CCDC81: variants seen among roughly 807,000 people sequenced by gnomAD.
CCDC81 encodes the protein coiled-coil domain-containing protein 81.
In CCDC81, 79 loss-of-function variants were observed where a neutral mutation model predicts 83.7. The ratio of observed to expected loss-of-function variants is 0.94; its 90% CI spans 0.79 to 1.14. The LOEUF is 1.14. Ranked by LOEUF, CCDC81 falls within the 50% of genes most tolerant of loss-of-function variation. The pLI is 0.00. For missense variants in CCDC81, 791 were observed against 778.1 expected (o/e 1.02, Z -0.20); for synonymous variants, 252 against 278.1 (o/e 0.91, Z 0.93).
rs771133984 is a variant in CCDC81, at chr11:86,392,501, C to T, written c.299-40C>T. The T allele has an allele frequency of 1.1e-5, 17 of 1,541,204 alleles. No homozygotes were observed. In the African/African-American group the frequency reaches 2.3e-4, roughly 21 times the overall value. ...TATGATATGTCCTTATGGTAATCAC[C>T]ACTTTCTTTCTCCCACCCCAACTGT... On this transcript the variant is annotated intron_variant, in intron 3 of 14. Transcript: ENST00000445632.
intron 9 of CCDC81, among the ~76,000 whole-genome samples, chr11:86,408,523 A>G (rs11234640): frequency 0.46 from 69,100 of 151,788 alleles, 15,950 homozygotes; most frequent in Admixed American, 0.5. Context: ...TTGTAGAGAC[A>G]GGGTTTCACC....
chr11:86,375,274 G>T, intron 1 of CCDC81, 32 bp downstream of exon 1: 1 of 1,577,814 alleles, frequency 6.3e-7, no homozygotes, highest in South Asian at 1.1e-5. Flanking sequence ...GGGTGGCCCT[G>T]GGGATTGAAT....
At chr11:86,412,249 C>A in intron 10 of CCDC81, 138 bp from the exon 11 acceptor site, 1 of 653,518 alleles carries the variant, frequency 1.5e-6, no homozygotes, top group Non-Finnish European at 2.6e-6. Flanking sequence ...GTTACCTCAA[C>A]ACCAGCTGGT....
At position 86,410,196 on chromosome 11, in the gene CCDC81, G is replaced by A. The variant is rs1401917928; in HGVS notation, c.1218+831G>A. On this transcript the variant is annotated intron_variant, in intron 10 of 14. Transcript: ENST00000445632. ...TCATCATGTGCCTACCTTTATTTCTGCCTGAATCTTCCTCTTTATATATCA... is the reference window on the plus strand; with the variant it reads ...TCATCATGTGCCTACCTTTATTTCTACCTGAATCTTCCTCTTTATATATCA... Among the ~76,000 whole-genome samples the A allele has an allele frequency of 2.0e-5, 3 of 152,138 alleles. 1 individual carries two copies. The highest frequency in any genetic ancestry group is 1.3e-4 in the Admixed American group (2 of 15,262).
At chr11:86,395,481 G>A in intron 5 of CCDC81, 68 bp downstream of exon 5, 8 of 1,224,572 alleles carry the variant, frequency 6.5e-6, no homozygotes, top group Non-Finnish European at 8.4e-6. Flanking sequence ...ATCTCATTGG[G>A]CAGTGTTTCT....
intron 1 of CCDC81, among the ~76,000 whole-genome samples, chr11:86,383,185 G>C (rs1376945): frequency 0.62 from 94,171 of 152,070 alleles, 29,761 homozygotes; most frequent in African/African-American, 0.73. Flanking sequence ...CTGGGTAAAA[G>C]TTGAGTCCAT....
chr11:86,375,866 A>G, intron 1 of CCDC81, among the ~76,000 whole-genome samples: 1 of 152,184 alleles, frequency 6.6e-6, no homozygotes, highest in East Asian at 1.9e-4. Flanking sequence ...CAGGAATGCA[A>G]ACTCATTATT....
intron 13 of CCDC81, among the ~76,000 whole-genome samples, chr11:86,417,730 G>A (rs1256765640): frequency 1.3e-5 from 2 of 151,534 alleles, no homozygotes; most frequent in Admixed American, 6.6e-5. Context: ...TCCAATGTAC[G>A]GTACATCTAA....
At chr11:86,385,405 A>AGACATACTATTAGTATTTGTTATTTCC in intron 1 of CCDC81, among the ~76,000 whole-genome samples, 1 of 152,214 alleles carries the variant, frequency 6.6e-6, no homozygotes, top group East Asian at 1.9e-4. Context: ...AAGTTATTTT[A>AGACATACTATTAGTATTTGTTATTTCC]GACATACTAT....
intron 13 of CCDC81, among the ~76,000 whole-genome samples, chr11:86,416,966 GGGCACGGT>G (rs1301070201): frequency 6.6e-6 from 1 of 152,002 alleles, no homozygotes; most frequent in Non-Finnish European, 1.5e-5. Flanking sequence ...AAGGTTAGCC[GGGCACGGT>G]GGCTCATGCC....
At chr11:86,386,979 C>T (rs1022417047) in intron 2 of CCDC81, among the ~76,000 whole-genome samples, 8 of 152,036 alleles carry the variant, frequency 5.3e-5, no homozygotes, top group Non-Finnish European at 8.8e-5. Flanking sequence ...GTTTGTAGTT[C>T]TTGATGAATG....
intron 11 of CCDC81, among the ~76,000 whole-genome samples, chr11:86,412,997 G>A (rs1322151383): frequency 1.3e-5 from 2 of 152,146 alleles, no homozygotes; most frequent in African/African-American, 2.4e-5. Context: ...GAGGGTTCTT[G>A]CCTTGGTGTA....
chr11:86,375,540 C>G (rs1350539396), intron 1 of CCDC81, among the ~76,000 whole-genome samples: 1 of 152,164 alleles, frequency 6.6e-6, no homozygotes, highest in Admixed American at 6.5e-5. Context: ...CCACACCACT[C>G]GCTGGGATGG....
chr11:86,380,943 T>A (rs1334331328), intron 1 of CCDC81, among the ~76,000 whole-genome samples: 13 of 152,264 alleles, frequency 8.5e-5, no homozygotes, highest in Non-Finnish European at 1.5e-5. Flanking sequence ...TGATGGTTGC[T>A]CTGTCTCTTC....
intron 5 of CCDC81, 58 bp downstream of exon 5, chr11:86,395,471 A>T (rs946524593): frequency 1.5e-6 from 2 of 1,307,992 alleles, no homozygotes; most frequent in Admixed American, 3.4e-5. Flanking sequence ...TGATCTGCTG[A>T]TCTCATTGGG....
At chr11:86,418,099 G>C (rs1448766598) in intron 13 of CCDC81, among the ~76,000 whole-genome samples, 3 of 151,816 alleles carry the variant, frequency 2.0e-5, no homozygotes, top group Non-Finnish European at 4.4e-5. Flanking sequence ...CATAATAATG[G>C]CCAACAAGCA....
chr11:86,422,301 G>A (rs1490482511), intron 14 of CCDC81, among the ~76,000 whole-genome samples: 1 of 152,190 alleles, frequency 6.6e-6, no homozygotes, highest in Non-Finnish European at 1.5e-5. Flanking sequence ...GTGACCTTCG[G>A]CAAGTTCTCT....
chr11:86,415,275 G>C lies in CCDC81; in HGVS notation c.1653G>C (p.Gln551His), dbSNP rs34331151. The C allele has an allele frequency of 2.7e-3, 4,289 of 1,614,162 alleles. 11 individuals carry two copies. Among genetic ancestry groups the C allele is most frequent in the Non-Finnish European group, 3.3e-3 (3,889 of 1,180,008 alleles). ...CCATCCTGCATCAACTAGTGGACCA[G>C]AGGCGGGATTTGCAAATGCTTCAGA... ...RKAILHQLVD[Q>H]RRDLQMLQRT... The change falls in exon 13 of 15, where the codon CAG (glutamine) becomes CAC (histidine). Residue 551 changes from glutamine (Q) to histidine (H), a missense_variant. Gln to His is a conservative substitution (Grantham distance 24). Coordinates refer to ENST00000445632, the MANE Select transcript of CCDC81 (RefSeq NM_001156474.2).
At position 86,385,124 on chromosome 11, in the gene CCDC81, A is replaced by G. The variant is rs545142467; in HGVS notation, c.80-927A>G. Among the ~76,000 whole-genome samples, 64 of 152,350 alleles carry G rather than the reference A, an allele frequency of 4.2e-4. 2 individuals are homozygous for G. In the South Asian group the frequency reaches 0.013, roughly 31 times the overall value. Reference sequence around the variant, plus strand: ...TATTTGAGGCTGGGCATGGTGGCTCATGCCTGTAATCCCAGCACTTTGGGA... The same window carrying G: ...TATTTGAGGCTGGGCATGGTGGCTCGTGCCTGTAATCCCAGCACTTTGGGA... On this transcript the variant is annotated intron_variant, in intron 1 of 14. Coordinates refer to ENST00000445632, the MANE Select transcript of CCDC81 (RefSeq NM_001156474.2).
Sources: gnomAD v4.1 joint callset for allele counts (sites outside exome capture counted in the v4.1 genomes callset) on GRCh38, gnomAD v4.1.1 for gene constraint, MANE v1.5 for transcripts, NCBI Gene and HGNC (gene_info 2026-07-23, HGNC 2026-07-21) for gene names.